UPF1: variants seen among roughly 807,000 people sequenced by gnomAD.
UPF1 encodes regulator of nonsense transcripts 1.
In UPF1, 9 loss-of-function variants were observed where a neutral mutation model predicts 129.2. The observed-to-expected ratio is 0.07, with a 90% CI of 0.04 to 0.12. The LOEUF is 0.12. Among genes scored for constraint, UPF1 ranks in the 10% least tolerant of loss-of-function variants. UPF1 has a pLI of 1.00. For missense variants in UPF1, 788 were observed against 1,525.3 expected, an observed-to-expected ratio of 0.52 and a Z score of 8.05; for synonymous variants, 649 against 644.9, an observed-to-expected ratio of 1.01 and a Z score of -0.10.
intron 1 of UPF1, among the ~76,000 whole-genome samples, chr19:18,842,710 TG>T (rs911152295): frequency 4.0e-5 from 6 of 151,234 alleles, no homozygotes; most frequent in African/African-American, 9.7e-5. Flanking sequence ...AAAAAAAATT[TG>T]GGGGGGTGCT....
In UPF1 at chr19:18,865,951, GTTTT is replaced by G. The variant is rs1359410186; in HGVS notation, c.3238-92_3238-89del. On this transcript the variant is annotated intron_variant, in intron 22 of 23. Transcript: ENST00000262803. This position sits in a 1 kb window ranked among gnomAD's most constrained non-coding sequence, Gnocchi z 6.1. ...CTCCTGGGTCTTAGTTTGGGGACGG[GTTTT>G]CCATTCTTTTCTCTGGGGCTGCTGA... The G allele has an allele frequency of 7.5e-6, 12 of 1,596,348 alleles. No homozygotes were observed. Among genetic ancestry groups the G allele is most frequent in the Middle Eastern group, 1.7e-4 (1 of 5,918 alleles).
At chr19:18,856,405 G>A (rs2055718397) in intron 13 of UPF1, 105 bp downstream of exon 13, 1 of 1,089,814 alleles carries the variant, frequency 9.2e-7, no homozygotes, top group Non-Finnish European at 1.3e-6. Flanking sequence ...TCTGGAAAGA[G>A]AACTTAGATG....
intron 18 of UPF1, 45 bp from the exon 19 acceptor site, chr19:18,863,393 G>T: frequency 1.3e-6 from 2 of 1,594,868 alleles, no homozygotes; most frequent in Non-Finnish European, 1.7e-6. Context: ...CCTGTGAGAC[G>T]GGCAGCTCTC....
intron 15 of UPF1, chr19:18,859,990 T>C (rs1379933165): frequency 8.3e-6 from 2 of 240,780 alleles, no homozygotes; most frequent in Non-Finnish European, 8.0e-6. Context: ...GGCAAGCTTC[T>C]GGAAGGAAGC....
At chr19:18,843,717 TTGTGTGTGTGTGTGTG>T (rs72080135) in intron 1 of UPF1, among the ~76,000 whole-genome samples, 5 of 144,078 alleles carry the variant, frequency 3.5e-5, no homozygotes, top group South Asian at 2.3e-4. Flanking sequence ...TTGGCCAGGC[TTGTGTGTGTGTGTGTG>T]TGTGTGTGTG....
intron 1 of UPF1, among the ~76,000 whole-genome samples, chr19:18,834,932 C>T (rs1353777950): frequency 6.6e-6 from 1 of 152,224 alleles, no homozygotes; most frequent in South Asian, 2.1e-4. Context: ...TTTTGCTTAG[C>T]GGCTTTATTG....
In UPF1 at chr19:18,852,291, T is replaced by A. The variant is rs1162788159; in HGVS notation, c.967T>A (p.Ser323Thr). ...EADYDKKLKESQTQDNITVRW... is the reference protein window; with the variant it reads ...EADYDKKLKETQTQDNITVRW... Reference sequence around the variant, plus strand: ...CGACTACGACAAGAAGCTGAAGGAGTCCCAGGTGATGTGTGCGAGAGGGCT... The same window carrying A: ...CGACTACGACAAGAAGCTGAAGGAGACCCAGGTGATGTGTGCGAGAGGGCT... The change falls in exon 6 of 24, where the codon TCC becomes ACC. Residue 323 changes from serine to threonine, a missense_variant. Coordinates refer to ENST00000262803, the MANE Select transcript of UPF1 (RefSeq NM_002911.4). The A allele has an allele frequency of 6.2e-7, 1 of 1,612,890 alleles. No individual in the cohort carries two copies. The highest frequency in any genetic ancestry group is 8.5e-7 in the Non-Finnish European group (1 of 1,179,508).
intron 19 of UPF1, 144 bp from the exon 20 acceptor site, chr19:18,864,026 C>T: frequency 1.3e-6 from 1 of 742,300 alleles, no homozygotes; most frequent in Non-Finnish European, 2.4e-6. Context: ...GAGACAGCAG[C>T]TCCCTCCTGT....
Position 18,832,039 on chromosome 19 carries a change from C to A in UPF1, c.-171C>A. ...AGGGGCTCGGCGGCAGCGGCGGCGG[C>A]TCGGCACTGTTACCTCTCGGTCCGG... On this transcript the variant is annotated 5_prime_UTR_variant, in exon 1 of 24. Transcript: ENST00000262803. This position sits in a 1 kb window ranked among gnomAD's most constrained non-coding sequence, Gnocchi z 5.6. The A allele has an allele frequency of 2.1e-6, 1 of 485,074 alleles. No individual in the cohort carries two copies. The highest frequency in any genetic ancestry group is 3.2e-6 in the Non-Finnish European group (1 of 314,758). 30.0% of individuals were successfully genotyped at this position (485,074 alleles called of 1,614,324 possible). A position where few individuals can be genotyped will look rare whatever the true frequency, so the allele number is the denominator to read the frequency against.
Position 18,847,810 on chromosome 19 carries a change from C to T in UPF1, c.438C>T (p.Asn146=), listed in dbSNP as rs748379903. 1.5e-4 allele frequency: 242 copies of T among 1,614,046 alleles called. No individual in the cohort carries two copies. The highest frequency in any genetic ancestry group is 2.0e-4 in the Non-Finnish European group (231 of 1,180,046). Residue 146 remains asparagine, a synonymous_variant, in exon 3 of 24, where the codon AAC becomes AAT. Transcript: ENST00000262803. ...YCNTSKKWFC[N]GRGNTSGSHI... is the part of the protein sequence containing the mutation. ...ATACCAGCAAGAAGTGGTTCTGCAA[C>T]GGACGTGGAAATACTTCTGGCAGGT...
intron 15 of UPF1, chr19:18,859,922 C>T (rs899206760): frequency 2.4e-5 from 4 of 164,590 alleles, no homozygotes; most frequent in Admixed American, 1.3e-4. Flanking sequence ...GGCAGGGGGA[C>T]ACTGTTGGCT....
In UPF1 at chr19:18,852,264, G is replaced by T; in HGVS notation, c.940G>T (p.Ala314Ser). The T allele has an allele frequency of 6.2e-7, 1 of 1,613,720 alleles. No individual in the cohort carries two copies. Among genetic ancestry groups the T allele is most frequent in the Non-Finnish European group, 8.5e-7 (1 of 1,179,780 alleles). ...NIFGPLVKLE[A>S]DYDKKLKESQ... ...ATTCGGGCCCCTGGTCAAGCTGGAG[G>T]CCGACTACGACAAGAAGCTGAAGGA... Residue 314 changes from alanine to serine, a missense_variant, in exon 6 of 24, where the codon GCC becomes TCC. This residue lies in a region of UPF1 where 227 missense variants were observed against 517.9 expected (regional missense o/e 0.44). Transcript: ENST00000262803.
chr19:18,860,821 C>T lies in UPF1; in HGVS notation c.2301-5C>T, dbSNP rs556570998. 1 of 1,612,366 alleles carries T rather than the reference C, an allele frequency of 6.2e-7. No homozygotes were observed. The highest frequency in any genetic ancestry group is 1.1e-5 in the South Asian group (1 of 90,900). On this transcript the variant is annotated splice_region_variant and splice_polypyrimidine_tract_variant and intron_variant, in intron 16 of 23. Coordinates refer to ENST00000262803, the MANE Select transcript of UPF1 (RefSeq NM_002911.4). ...AGCCCAGCACTGACAGCCTGGGTTT[C>T]TTAGGACCGAGGCTGCGAACGTGGA... is the stretch of plus-strand genomic sequence containing the variant.
chr19:18,850,385 T>G lies in UPF1; in HGVS notation c.629+143T>G, dbSNP rs968377812. 56 of 1,244,832 alleles carry G rather than the reference T, an allele frequency of 4.5e-5. No homozygotes were observed. In the African/African-American group the frequency reaches 7.7e-4, roughly 17 times the overall value. The allele number at this position is 1,244,832 out of a possible 1,614,324, so 77.1% of individuals were successfully genotyped here. Reference sequence around the variant, plus strand: ...ATGGTTTTTGCTGAAGGGTGAGGCATGAGAGCGTTTAGGCGCTGAGGCTTG... The same window carrying G: ...ATGGTTTTTGCTGAAGGGTGAGGCAGGAGAGCGTTTAGGCGCTGAGGCTTG... On this transcript the variant is annotated intron_variant, in intron 4 of 23. Coordinates refer to ENST00000262803, the MANE Select transcript of UPF1 (RefSeq NM_002911.4). The surrounding 1 kb of genome is among the most constrained non-coding windows in gnomAD (Gnocchi z 7.1).
chr19:18,855,603 C>T (rs898699613), intron 11 of UPF1: 2 of 493,966 alleles, frequency 4.0e-6, no homozygotes, highest in Admixed American at 3.7e-5. Context: ...ATCTGAGCTC[C>T]TTCGGCATCG....
chr19:18,865,535 G>T lies in UPF1; in HGVS notation c.3020-26G>T. 6.2e-7 allele frequency: 1 copy of T among 1,613,556 alleles called. No individual in the cohort carries two copies. Among genetic ancestry groups the T allele is most frequent in the East Asian group, 2.2e-5 (1 of 44,866 alleles). ...GTCTGCGAGGCCCTGGCCTCCTTCG[G>T]ATCACCCTGGACTGCTGTCTTTCAG... is the stretch of plus-strand genomic sequence containing the variant. On this transcript the variant is annotated intron_variant, in intron 21 of 23. Coordinates refer to ENST00000262803, the MANE Select transcript of UPF1 (RefSeq NM_002911.4). This position sits in a 1 kb window ranked among gnomAD's most constrained non-coding sequence, Gnocchi z 6.1.
Position 18,841,521 on chromosome 19 carries a change from C to T in UPF1, c.232-4459C>T, listed in dbSNP as rs529946232. The stretch of plus-strand genomic sequence containing the variant: ...ATTCTTTACTGGGATCCTGGAGGTC[C>T]GCTGTTGAGATGATGGCTGTCTCTG... On this transcript the variant is annotated intron_variant, in intron 1 of 23. Transcript: ENST00000262803. 7.2e-5 allele frequency among the ~76,000 whole-genome samples: 11 copies of T among 152,308 alleles called. No individual in the cohort carries two copies. In the South Asian group the frequency reaches 1.5e-3, roughly 20 times the overall value.
chr19:18,866,371 G>A, intron 23 of UPF1, 150 bp from the exon 24 acceptor site: 2 of 656,976 alleles, frequency 3.0e-6, no homozygotes, highest in Non-Finnish European at 4.7e-6. Context: ...ACCCCATCCT[G>A]TCTGCTCCGG....
At chr19:18,848,924 G>C (rs1162961619) in intron 3 of UPF1, 1 of 152,284 alleles carries the variant, frequency 6.6e-6, no homozygotes, top group Non-Finnish European at 1.5e-5. Flanking sequence ...GGCAACCCCA[G>C]CTTCCGGTCA....
Sources: gnomAD v4.1 joint callset for allele counts (sites outside exome capture counted in the v4.1 genomes callset) on GRCh38, gnomAD v4.1.1 for gene constraint, gnomAD v4.1.1 regional missense constraint, Gnocchi (gnomAD v3.1) non-coding constraint, MANE v1.5 for transcripts, NCBI Gene and HGNC (gene_info 2026-07-23, HGNC 2026-07-21) for gene names.